RSF1: variants seen among roughly 807,000 people sequenced by gnomAD.
RSF1 encodes HBV pX-associated protein 8.
RSF1 carries 13 observed loss-of-function variants against 145.2 expected under a neutral mutation model. The ratio of observed to expected loss-of-function variants is 0.09; its 90% confidence interval spans 0.06 to 0.14. The LOEUF is 0.14. Ranked by LOEUF, RSF1 falls within the 10% of genes least tolerant of loss-of-function variation. RSF1 has a pLI of 1.00. For missense variants in RSF1, 1,517 were observed against 1,718.2 expected, an observed-to-expected ratio of 0.88 and a Z score of 2.07; for synonymous variants, 577 against 592.6, an observed-to-expected ratio of 0.97 and a Z score of 0.38.
At chr11:77,864,336 G>A in the RSF1 span, among the ~76,000 whole-genome samples, 2 of 151,480 alleles carry the variant, frequency 1.3e-5, no homozygotes, top group South Asian at 4.2e-4. Context: ...CCCAGCTATA[G>A]GCTGAGGCAG....
chr11:77,857,950 C>G, the RSF1 span, among the ~76,000 whole-genome samples: 1 of 152,020 alleles, frequency 6.6e-6, no homozygotes, highest in Non-Finnish European at 1.5e-5. Context: ...CCACATTGGC[C>G]CCCAAAGTGC....
intron 1 of RSF1, among the ~76,000 whole-genome samples, chr11:77,769,353 CA>C (rs1240628816): frequency 1.2e-4 from 18 of 152,216 alleles, no homozygotes; most frequent in Non-Finnish European, 2.5e-4. Context: ...ATTTCTAAAA[CA>C]GTTTCATTTC....
the RSF1 span, among the ~76,000 whole-genome samples, chr11:77,852,757 ATT>A: frequency 6.6e-6 from 1 of 151,828 alleles, no homozygotes. Flanking sequence ...TATATAAATA[ATT>A]TTTTTTCTTT....
chr11:77,700,686 CAA>C, intron 6 of RSF1, 33 bp downstream of exon 6: 1 of 1,466,482 alleles, frequency 6.8e-7, no homozygotes. Context: ...TATATAGAGA[CAA>C]ATATTTTTAA....
At chr11:77,854,300 A>G in the RSF1 span, among the ~76,000 whole-genome samples, 2 of 152,080 alleles carry the variant, frequency 1.3e-5, no homozygotes, top group African/African-American at 4.8e-5. Flanking sequence ...CTATCCTCCA[A>G]ATTCTTAACA....
chr11:77,687,993 G>A (rs1960054625), intron 9 of RSF1, among the ~76,000 whole-genome samples: 1 of 152,026 alleles, frequency 6.6e-6, no homozygotes, highest in African/African-American at 2.4e-5. Context: ...TTGGCTTTTA[G>A]AAAGAATACA....
intron 4 of RSF1, among the ~76,000 whole-genome samples, chr11:77,728,803 G>T (rs1343300382): frequency 1.3e-5 from 2 of 151,662 alleles, no homozygotes; most frequent in Admixed American, 1.3e-4. Context: ...TGGGTACAGG[G>T]TTTTCTTTTT....
intron 1 of RSF1, among the ~76,000 whole-genome samples, chr11:77,814,800 T>C (rs2135991429): frequency 6.6e-6 from 1 of 152,348 alleles, no homozygotes; most frequent in South Asian, 2.1e-4. Flanking sequence ...TTGATAATGT[T>C]TGAAGCAATA....
chr11:77,802,319 T>C (rs1948633984), intron 1 of RSF1, among the ~76,000 whole-genome samples: 1 of 152,194 alleles, frequency 6.6e-6, no homozygotes, highest in South Asian at 2.1e-4. Flanking sequence ...GCAACTGATG[T>C]CTAAAGTGGG....
intron 1 of RSF1, among the ~76,000 whole-genome samples, chr11:77,778,967 C>CAG (rs1181301522): frequency 1.3e-5 from 2 of 152,112 alleles, no homozygotes; most frequent in African/African-American, 4.8e-5. Flanking sequence ...TTTTTGGAGA[C>CAG]AGAGTCTCAC....
chr11:77,738,497 A>G (rs989468971), intron 4 of RSF1, among the ~76,000 whole-genome samples: 3 of 152,200 alleles, frequency 2.0e-5, no homozygotes, highest in African/African-American at 7.2e-5. Flanking sequence ...TAAAGGGCTT[A>G]AGCATTTACA....
intron 1 of RSF1, among the ~76,000 whole-genome samples, chr11:77,810,134 A>C (rs542235701): frequency 1.3e-5 from 2 of 152,218 alleles, no homozygotes; most frequent in Non-Finnish European, 2.9e-5. Flanking sequence ...AAATCTTTTA[A>C]GTTCTACCTT....
intron 5 of RSF1, among the ~76,000 whole-genome samples, chr11:77,706,699 C>T (rs79474639): frequency 0.011 from 1,696 of 151,926 alleles, 10 homozygotes; most frequent in Non-Finnish European, 0.017. Context: ...TTCAAGGGTA[C>T]GTACGCAGGT....
the RSF1 span, among the ~76,000 whole-genome samples, chr11:77,836,079 T>C: frequency 2.0e-5 from 3 of 152,178 alleles, no homozygotes; most frequent in Admixed American, 2.0e-4. Flanking sequence ...CTTGATGTTG[T>C]TGAGATAACA....
chr11:77,742,056 T>C (rs1947946541), intron 3 of RSF1, among the ~76,000 whole-genome samples: 3 of 152,216 alleles, frequency 2.0e-5, no homozygotes, highest in African/African-American at 4.8e-5. Flanking sequence ...TTGACGGACA[T>C]TTAGAATGAT....
At chr11:77,773,284 T>A (rs1466296002) in intron 1 of RSF1, among the ~76,000 whole-genome samples, 1 of 145,896 alleles carries the variant, frequency 6.9e-6, no homozygotes, top group African/African-American at 2.5e-5. Flanking sequence ...ATTTTAATCA[T>A]TTTTTTTTTT....
chr11:77,769,858 G>C (rs943879549), intron 1 of RSF1, among the ~76,000 whole-genome samples: 1 of 152,158 alleles, frequency 6.6e-6, no homozygotes, highest in Non-Finnish European at 1.5e-5. Flanking sequence ...TATAAGCAGA[G>C]ATACAGTTAT....
intron 4 of RSF1, among the ~76,000 whole-genome samples, chr11:77,730,249 G>T (rs1319577072): frequency 6.6e-6 from 1 of 151,682 alleles, no homozygotes; most frequent in Non-Finnish European, 1.5e-5. Flanking sequence ...GCAGGTTTTA[G>T]ATATATATAT....
At chr11:77,687,870 C>T (rs4945198) in intron 9 of RSF1, among the ~76,000 whole-genome samples, 111,005 of 152,150 alleles carry the variant, frequency 0.73, 41,033 homozygotes, top group African/African-American at 0.85. Context: ...TATCCTATAG[C>T]ATATGAGGCT....
Sources: allele counts gnomAD v4.1 joint callset (sites outside exome capture counted in the v4.1 genomes callset), GRCh38; gene constraint gnomAD v4.1.1; transcripts MANE v1.5; gene names NCBI Gene and HGNC (gene_info 2026-07-23, HGNC 2026-07-21).